The following PPM1H variants were observed in gnomAD, a reference collection of about 807,000 sequenced individuals.
PPM1H encodes the protein protein phosphatase, Mg2+/Mn2+ dependent 1H.
PPM1H carries 27 observed loss-of-function variants against 54.9 expected under a neutral mutation model. The ratio of observed to expected loss-of-function variants is 0.49; its 90% CI spans 0.36 to 0.68. The LOEUF (loss-of-function observed/expected upper bound fraction) is 0.68, where lower values mean the gene tolerates loss of function less well. Among genes scored for constraint, PPM1H ranks in the 30% least tolerant of loss-of-function variants. The probability of loss-of-function intolerance (pLI) is 0.00; values close to 1 mark genes in which losing one functional copy is unlikely to be tolerated. For missense variants in PPM1H, 596 were observed against 667.8 expected (o/e 0.89, Z 1.19); for synonymous variants, 305 against 270.8 (o/e 1.13, Z -1.24).
chr12:62,762,034 C>T (rs1277164535), intron 4 of PPM1H, among the ~76,000 whole-genome samples: 1 of 152,232 alleles, frequency 6.6e-6, no homozygotes, highest in Non-Finnish European at 1.5e-5. Context: ...GTCTGCAGCT[C>T]CTGTCTTGGT....
chr12:62,711,997 C>T (rs969596223), intron 6 of PPM1H, among the ~76,000 whole-genome samples: 2 of 152,184 alleles, frequency 1.3e-5, no homozygotes, highest in Admixed American at 6.5e-5. Context: ...CAGCAGGGCC[C>T]GCTTTCTTCC....
chr12:62,724,860 A>G (rs77593986), intron 5 of PPM1H, among the ~76,000 whole-genome samples: 1,607 of 152,260 alleles, frequency 0.011, 31 homozygotes, highest in East Asian at 0.087. Flanking sequence ...AGGGATATAG[A>G]ATTGAAGTAG....
intron 8 of PPM1H, among the ~76,000 whole-genome samples, chr12:62,688,210 C>A (rs1228129146): frequency 6.6e-6 from 1 of 152,056 alleles, no homozygotes; most frequent in Non-Finnish European, 1.5e-5. Flanking sequence ...TCTGTTGGGA[C>A]AGAGGCTGCC....
chr12:62,838,704 G>A lies in PPM1H; in HGVS notation c.246-6425C>T, dbSNP rs1391753664. Among the ~76,000 whole-genome samples the A allele has an allele frequency of 3.9e-5, 4 of 102,674 alleles. 1 individual carries two copies. Among genetic ancestry groups the A allele is most frequent in the African/African-American group, 1.5e-4 (3 of 20,114 alleles). The allele number at this position is 102,674 out of a possible 152,430, so 67.4% of individuals were successfully genotyped here. On this transcript the variant is annotated intron_variant, in intron 1 of 9. Transcript: ENST00000228705. Reference sequence around the variant, plus strand: ...TGGGAGGCCGAGGCGGGCGGATCACGAGGTCAGGAGATCGAGACCATCCTG... The same window carrying A: ...TGGGAGGCCGAGGCGGGCGGATCACAAGGTCAGGAGATCGAGACCATCCTG...
At chr12:62,658,802 C>T in intron 9 of PPM1H, 1 of 481,994 alleles carries the variant, frequency 2.1e-6, no homozygotes, top group South Asian at 1.9e-5. Flanking sequence ...AAAGAGGGGC[C>T]ATCTCCTCCT....
At chr12:62,885,450 C>A (rs763433395) in intron 1 of PPM1H, among the ~76,000 whole-genome samples, 5 of 152,176 alleles carry the variant, frequency 3.3e-5, no homozygotes, top group Non-Finnish European at 7.4e-5. Context: ...CTGGGATAAA[C>A]TCCCTTTTGA....
intron 1 of PPM1H, among the ~76,000 whole-genome samples, chr12:62,925,233 T>C (rs979624606): frequency 3.3e-5 from 5 of 152,194 alleles, no homozygotes; most frequent in African/African-American, 1.2e-4. Context: ...ACCAAATATG[T>C]CTGTCATTAC....
At chr12:62,669,355 T>A (rs1341382476) in intron 8 of PPM1H, among the ~76,000 whole-genome samples, 1 of 152,226 alleles carries the variant, frequency 6.6e-6, no homozygotes, top group African/African-American at 2.4e-5. Context: ...AATATTAATG[T>A]GCACAGAAGT....
chr12:62,934,707 G>A lies in PPM1H; in HGVS notation c.30C>T (p.Ala10=). The change falls in exon 1 of 10, where the codon GCC becomes GCT. Residue 10 remains alanine, a synonymous_variant. Coordinates refer to ENST00000228705, the MANE Select transcript of PPM1H (RefSeq NM_020700.2). The surrounding 1 kb of genome is among the most constrained non-coding windows in gnomAD (Gnocchi z 4.2). ...CAGCCATGATGCCGCCCATGAAATT[G>A]GCCACGGCAGATTTCACTCGAGTGA... MLTRVKSAV[A]NFMGGIMAGS... The A allele has an allele frequency of 1.2e-6, 2 of 1,605,844 alleles. No homozygotes were observed. The highest frequency in any genetic ancestry group is 8.5e-7 in the Non-Finnish European group (1 of 1,175,722).
In PPM1H at chr12:62,934,358, G is replaced by C; in HGVS notation, c.245+134C>G. ...GGGAAATGGCCAGTGTAAGTAAAGA[G>C]CTCCCCGCCGAGGCCTGGACGCCGG... On this transcript the variant is annotated intron_variant, in intron 1 of 9. Transcript: ENST00000228705. This position sits in a 1 kb window ranked among gnomAD's most constrained non-coding sequence, Gnocchi z 4.2. The C allele has an allele frequency of 7.9e-7, 1 of 1,259,572 alleles. No individual in the cohort carries two copies. The highest frequency in any genetic ancestry group is 1.0e-6 in the Non-Finnish European group (1 of 953,624). The allele number at this position is 1,259,572 out of a possible 1,614,324, so 78.0% of individuals were successfully genotyped here. A position where few individuals can be genotyped will look rare whatever the true frequency, so the allele number is the denominator to read the frequency against.
chr12:62,826,424 G>A (rs1868291993), intron 2 of PPM1H, among the ~76,000 whole-genome samples: 1 of 152,170 alleles, frequency 6.6e-6, no homozygotes, highest in Non-Finnish European at 1.5e-5. Context: ...ACTCCAGCCT[G>A]GGCGACAGAG....
chr12:62,778,242 T>A (rs1385133364), intron 4 of PPM1H, among the ~76,000 whole-genome samples: 1 of 152,214 alleles, frequency 6.6e-6, no homozygotes, highest in East Asian at 1.9e-4. Flanking sequence ...CTAATATGAA[T>A]TCCCTTTTCA....
chr12:62,870,361 T>C (rs1193523325), intron 1 of PPM1H, among the ~76,000 whole-genome samples: 9 of 151,488 alleles, frequency 5.9e-5, no homozygotes, highest in Non-Finnish European at 2.9e-5. Context: ...CATAGAGGGG[T>C]TTTTAGCAAT....
At chr12:62,831,759 GTATA>G (rs199628787) in intron 2 of PPM1H, among the ~76,000 whole-genome samples, 6 of 148,126 alleles carry the variant, frequency 4.1e-5, no homozygotes, top group Non-Finnish European at 7.5e-5. Flanking sequence ...ATATATTCGT[GTATA>G]TATATATACA....
intron 2 of PPM1H, among the ~76,000 whole-genome samples, chr12:62,813,833 A>C (rs2076850452): frequency 6.6e-6 from 1 of 152,226 alleles, no homozygotes; most frequent in Non-Finnish European, 1.5e-5. Context: ...TGCTCTTAGC[A>C]AGACAGTAAA....
intron 2 of PPM1H, 136 bp downstream of exon 2, chr12:62,831,978 C>T (rs1868368897): frequency 7.7e-6 from 8 of 1,045,474 alleles, no homozygotes; most frequent in Middle Eastern, 4.9e-4. Context: ...ACGATAGGCC[C>T]GCCACCCCAC....
At chr12:62,687,604 T>A (rs950870497) in intron 8 of PPM1H, among the ~76,000 whole-genome samples, 1 of 152,056 alleles carries the variant, frequency 6.6e-6, no homozygotes, top group Non-Finnish European at 1.5e-5. Context: ...AGTTTCTGTT[T>A]CCTCTGACCA....
chr12:62,664,805 T>C (rs1239505546), intron 9 of PPM1H, among the ~76,000 whole-genome samples: 1 of 152,226 alleles, frequency 6.6e-6, no homozygotes, highest in East Asian at 1.9e-4. Context: ...TTGGCGGTAA[T>C]ATGTATCAGT....
At chr12:62,872,025 A>T (rs1337282335) in intron 1 of PPM1H, among the ~76,000 whole-genome samples, 2 of 152,216 alleles carry the variant, frequency 1.3e-5, no homozygotes, top group Non-Finnish European at 2.9e-5. Flanking sequence ...TATGAAAATA[A>T]ATACAGCATT....
Sources: gnomAD v4.1 joint callset for allele counts (sites outside exome capture counted in the v4.1 genomes callset) on GRCh38, gnomAD v4.1.1 for gene constraint, Gnocchi (gnomAD v3.1) non-coding constraint, MANE v1.5 for transcripts, NCBI Gene and HGNC (gene_info 2026-07-23, HGNC 2026-07-21) for gene names.